The following INPP4B variants were observed in gnomAD, a reference collection of about 807,000 sequenced individuals.
INPP4B encodes the protein inositol polyphosphate-4-phosphatase type II B, also known as inositol polyphosphate 4-phosphatase type II.
A neutral mutation model predicts 122.5 loss-of-function variants in INPP4B; 55 were observed. The observed-to-expected ratio is 0.45, with a 90% CI of 0.36 to 0.56. The LOEUF is 0.56. Ranked by LOEUF, INPP4B falls within the 20% of genes least tolerant of loss-of-function variation. The pLI is 0.00. For missense variants in INPP4B, 1,000 were observed against 1,097.7 expected (o/e 0.91, Z 1.26); for synonymous variants, 403 against 388.7 (o/e 1.04, Z -0.43).
chr4:142,643,456 G>T (rs1750997418), intron 2 of INPP4B, among the ~76,000 whole-genome samples: 1 of 152,106 alleles, frequency 6.6e-6, no homozygotes, highest in Non-Finnish European at 1.5e-5. Context: ...TTAAGGAGGG[G>T]AGCAATTCAG....
chr4:142,347,897 C>T (rs1470312854), intron 7 of INPP4B, among the ~76,000 whole-genome samples: 1 of 151,930 alleles, frequency 6.6e-6, no homozygotes, highest in African/African-American at 2.4e-5. Context: ...CATTTTAAGT[C>T]ACAATAATTT....
chr4:142,673,850 T>C (rs969079273), intron 2 of INPP4B, among the ~76,000 whole-genome samples: 1 of 152,096 alleles, frequency 6.6e-6, no homozygotes, highest in African/African-American at 2.4e-5. Flanking sequence ...CTAGATGCGG[T>C]CAATTACTAT....
At chr4:142,137,054 C>A (rs912631243) in intron 18 of INPP4B, among the ~76,000 whole-genome samples, 7 of 151,994 alleles carry the variant, frequency 4.6e-5, no homozygotes, top group African/African-American at 1.7e-4. Context: ...CATATGGAAC[C>A]AAAAAAGAGC....
chr4:142,223,733 T>C (rs1252387531), intron 12 of INPP4B, among the ~76,000 whole-genome samples: 1 of 152,160 alleles, frequency 6.6e-6, no homozygotes, highest in Non-Finnish European at 1.5e-5. Flanking sequence ...CCATACCACA[T>C]GGTATTCTAA....
intron 25 of INPP4B, among the ~76,000 whole-genome samples, chr4:142,057,308 A>C (rs1266886147): frequency 6.6e-6 from 1 of 152,124 alleles, no homozygotes; most frequent in Non-Finnish European, 1.5e-5. Context: ...ATTTCACTCT[A>C]AAGTTACAGA....
At chr4:142,577,707 G>C (rs1470106107) in intron 2 of INPP4B, among the ~76,000 whole-genome samples, 1 of 151,916 alleles carries the variant, frequency 6.6e-6, no homozygotes, top group African/African-American at 2.4e-5. Flanking sequence ...TTTTAGAATT[G>C]AGTTTGCTTT....
At chr4:142,261,870 G>A (rs1015088548) in intron 10 of INPP4B, among the ~76,000 whole-genome samples, 3 of 152,068 alleles carry the variant, frequency 2.0e-5, no homozygotes, top group African/African-American at 4.8e-5. Context: ...ATTTTTTGAT[G>A]GGGTACAAAA....
At chr4:142,740,246 A>G (rs1311764564) in intron 1 of INPP4B, among the ~76,000 whole-genome samples, 8 of 152,002 alleles carry the variant, frequency 5.3e-5, no homozygotes, top group Non-Finnish European at 7.4e-5. Flanking sequence ...TAAACAATCT[A>G]AGCAAATGGA....
At chr4:142,287,438 T>A (rs572868664) in intron 9 of INPP4B, 13 of 152,326 alleles carry the variant, frequency 8.5e-5, no homozygotes, top group African/African-American at 3.1e-4. Flanking sequence ...GGCATAACAG[T>A]CAGACAAATG....
chr4:142,314,102 G>C (rs1385345423), intron 8 of INPP4B, among the ~76,000 whole-genome samples: 1 of 152,100 alleles, frequency 6.6e-6, no homozygotes. Flanking sequence ...CACACAGATC[G>C]CAGGGATTCA....
intron 1 of INPP4B, among the ~76,000 whole-genome samples, chr4:142,775,873 C>T (rs759921556): frequency 3.3e-5 from 5 of 151,908 alleles, no homozygotes; most frequent in African/African-American, 4.8e-5. Flanking sequence ...TGAGAATGCT[C>T]CTATTCATAT....
Position 142,106,517 on chromosome 4 carries a change from C to T in INPP4B, c.2374+1576G>A, listed in dbSNP as rs572441319. ...GCTAAAATTTTTTAAACTTATATTC[C>T]TATGAAGAGTTTAAGTTACTTGAAT... is the stretch of plus-strand genomic sequence containing the variant. On this transcript the variant is annotated intron_variant, in intron 23 of 25. Coordinates refer to ENST00000262992, the MANE Select transcript of INPP4B (RefSeq NM_001101669.3). Among the ~76,000 whole-genome samples the T allele has an allele frequency of 7.0e-4, 107 of 152,202 alleles. 1 individual carries two copies. Among genetic ancestry groups the T allele is most frequent in the African/African-American group, 2.5e-3 (102 of 41,520 alleles).
chr4:142,171,064 C>T (rs1320876292), intron 16 of INPP4B, among the ~76,000 whole-genome samples: 1 of 151,706 alleles, frequency 6.6e-6, no homozygotes, highest in African/African-American at 2.4e-5. Context: ...TGCTTTTCCC[C>T]CAGACTATAT....
At chr4:142,241,260 T>A (rs752728288) in intron 11 of INPP4B, among the ~76,000 whole-genome samples, 7 of 152,098 alleles carry the variant, frequency 4.6e-5, no homozygotes, top group Non-Finnish European at 8.8e-5. Flanking sequence ...GCCATACAAT[T>A]GCTAAAAATA....
chr4:142,499,937 T>C (rs1823156650), intron 2 of INPP4B, among the ~76,000 whole-genome samples: 1 of 152,144 alleles, frequency 6.6e-6, no homozygotes, highest in African/African-American at 2.4e-5. Context: ...CAACCGTCGC[T>C]GAAAACACTA....
chr4:142,614,593 C>T (rs1218521179), intron 2 of INPP4B, among the ~76,000 whole-genome samples: 1 of 152,032 alleles, frequency 6.6e-6, no homozygotes, highest in African/African-American at 2.4e-5. Context: ...AAATAATCAA[C>T]AGAGTAAACA....
Position 142,128,616 on chromosome 4 carries a change from G to A in INPP4B, c.1721-3856C>T, listed in dbSNP as rs141389901. On this transcript the variant is annotated intron_variant, in intron 18 of 25. Coordinates refer to ENST00000262992, the MANE Select transcript of INPP4B (RefSeq NM_001101669.3). ...CTGAGACCAACAAGAATCTTTCCTC[G>A]GGAAAACATAAAATGCATGTGGCTT... Among the ~76,000 whole-genome samples, 490 of 152,178 alleles carry A rather than the reference G, an allele frequency of 3.2e-3. 3 individuals carry two copies. Among genetic ancestry groups the A allele is most frequent in the African/African-American group, 0.011 (457 of 41,514 alleles).
chr4:142,038,406 A>G (rs1481794002), intron 25 of INPP4B, among the ~76,000 whole-genome samples: 1 of 152,218 alleles, frequency 6.6e-6, no homozygotes, highest in Non-Finnish European at 1.5e-5. Context: ...CTCAAAAGAC[A>G]TAAGCCAGTG....
chr4:142,617,519 C>T (rs1239281974), intron 2 of INPP4B, among the ~76,000 whole-genome samples: 1 of 152,086 alleles, frequency 6.6e-6, no homozygotes, highest in Admixed American at 6.6e-5. Flanking sequence ...GCTGGAGAGA[C>T]ACCTCTAGCA....
Sources: allele counts gnomAD v4.1 joint callset (sites outside exome capture counted in the v4.1 genomes callset), GRCh38; gene constraint gnomAD v4.1.1; transcripts MANE v1.5; gene names NCBI Gene and HGNC (gene_info 2026-07-23, HGNC 2026-07-21).